Variants in ACSS3 observed in about 807,000 individuals in gnomAD.
ACSS3 encodes acyl-CoA synthetase short chain family member 3.
In ACSS3, 64 loss-of-function variants were observed where a neutral mutation model predicts 84.2. The ratio of observed to expected loss-of-function variants is 0.76; its 90% CI spans 0.62 to 0.94. The LOEUF is 0.94. Ranked by LOEUF, ACSS3 falls within the 40% of genes least tolerant of loss-of-function variation. ACSS3 has a pLI of 0.00. For missense variants in ACSS3, 815 were observed against 867.6 expected, an observed-to-expected ratio of 0.94 and a Z score of 0.76; for synonymous variants, 317 against 310.1, an observed-to-expected ratio of 1.02 and a Z score of -0.23.
intron 7 of ACSS3, among the ~76,000 whole-genome samples, chr12:81,162,633 C>T (rs1057073537): frequency 1.3e-5 from 2 of 152,168 alleles, no homozygotes; most frequent in Admixed American, 1.3e-4. Context: ...GGAGGCTTCA[C>T]TGGGGACCCA....
chr12:81,195,400 A>T (rs1267857675), intron 8 of ACSS3, among the ~76,000 whole-genome samples: 1 of 151,996 alleles, frequency 6.6e-6, no homozygotes, highest in East Asian at 1.9e-4. Flanking sequence ...CTTTACACTA[A>T]TCTTTGTTAT....
chr12:81,187,115 A>G (rs552968785), intron 8 of ACSS3, among the ~76,000 whole-genome samples: 1 of 151,352 alleles, frequency 6.6e-6, no homozygotes, highest in African/African-American at 2.4e-5. Context: ...GAAAAATATT[A>G]CATCATCTCA....
chr12:81,151,999 A>C lies in ACSS3; in HGVS notation c.1003-2A>C. ...TATTCATTTTATTATCTTATTTTTTAGGTGTGGTGGGCAGCTTCTGACTTA... is the reference window on the plus strand; with the variant it reads ...TATTCATTTTATTATCTTATTTTTTCGGTGTGGTGGGCAGCTTCTGACTTA... On this transcript the variant is annotated splice_acceptor_variant, in intron 6 of 15. Transcript: ENST00000548058. LOFTEE classifies it high-confidence loss of function. The C allele has an allele frequency of 3.1e-6, 5 of 1,613,140 alleles. No individual in the cohort carries two copies. Among genetic ancestry groups the C allele is most frequent in the Non-Finnish European group, 3.4e-6 (4 of 1,179,480 alleles).
intron 8 of ACSS3, among the ~76,000 whole-genome samples, chr12:81,193,226 C>A (rs146182701): frequency 2.1e-3 from 312 of 152,184 alleles, no homozygotes; most frequent in African/African-American, 7.2e-3. Context: ...CAGAAGTCGA[C>A]GAGGCATCAC....
At chr12:81,184,043 CAAAA>C (rs2031102655) in intron 8 of ACSS3, among the ~76,000 whole-genome samples, 1 of 151,464 alleles carries the variant, frequency 6.6e-6, no homozygotes, top group Non-Finnish European at 1.5e-5. Context: ...TGTTAGGCCA[CAAAA>C]AAAGCCCTAA....
At chr12:81,133,619 C>T (rs942452750) in intron 2 of ACSS3, among the ~76,000 whole-genome samples, 2 of 152,026 alleles carry the variant, frequency 1.3e-5, no homozygotes, top group Admixed American at 6.6e-5. Flanking sequence ...AGTGAGCTCC[C>T]GGTGAGAATT....
At chr12:81,165,559 C>T (rs2079222) in intron 7 of ACSS3, among the ~76,000 whole-genome samples, 69,780 of 151,732 alleles carry the variant, frequency 0.46, 16,573 homozygotes, top group Non-Finnish European at 0.52. Context: ...GGCAGGAGAA[C>T]GGTGTGAACC....
intron 1 of ACSS3, among the ~76,000 whole-genome samples, chr12:81,082,936 A>G (rs1208176371): frequency 2.6e-5 from 4 of 152,254 alleles, no homozygotes; most frequent in African/African-American, 9.6e-5. Flanking sequence ...TCTTTGGAAT[A>G]TGAAAGAAAT....
chr12:81,107,765 G>T (rs945762651), intron 1 of ACSS3, among the ~76,000 whole-genome samples: 1 of 151,508 alleles, frequency 6.6e-6, no homozygotes, highest in Admixed American at 6.6e-5. Flanking sequence ...ATCTAGGTTG[G>T]GGGTGGTTGG....
intron 13 of ACSS3, among the ~76,000 whole-genome samples, chr12:81,238,163 T>C (rs1340254435): frequency 5.3e-5 from 8 of 151,838 alleles, no homozygotes; most frequent in Non-Finnish European, 1.2e-4. Flanking sequence ...ATGGATTACT[T>C]TGATTATTGA....
chr12:81,226,816 T>C (rs1488916289), intron 11 of ACSS3, among the ~76,000 whole-genome samples: 1 of 151,886 alleles, frequency 6.6e-6, no homozygotes, highest in African/African-American at 2.4e-5. Context: ...GGCTTCTTGT[T>C]ATCCAATTCA....
intron 4 of ACSS3, among the ~76,000 whole-genome samples, chr12:81,142,246 A>C (rs762387417): frequency 5.9e-5 from 9 of 152,302 alleles, no homozygotes; most frequent in Middle Eastern, 6.8e-3. Context: ...ATGTTCGCCA[A>C]TTATAAACTT....
intron 12 of ACSS3, among the ~76,000 whole-genome samples, chr12:81,233,072 T>G (rs187179122): frequency 1.2e-4 from 18 of 151,746 alleles, no homozygotes; most frequent in African/African-American, 4.3e-4. Context: ...ACTTCTCCAT[T>G]AAAAAAAGAA....
chr12:81,159,303 A>G (rs759891937), intron 7 of ACSS3, among the ~76,000 whole-genome samples: 11 of 152,176 alleles, frequency 7.2e-5, no homozygotes, highest in Non-Finnish European at 1.3e-4. Flanking sequence ...ATAAGCTCCT[A>G]TCTCAAGAAC....
intron 8 of ACSS3, among the ~76,000 whole-genome samples, chr12:81,191,085 A>C (rs973778149): frequency 1.4e-4 from 21 of 152,034 alleles, no homozygotes; most frequent in Non-Finnish European, 2.6e-4. Context: ...CAGAGCTTCT[A>C]TATAACTTAT....
rs921440052 is a variant in ACSS3, at chr12:81,257,115, T to C, written c.*2193T>C. The C allele has an allele frequency of 6.6e-6, 1 of 152,142 alleles. No homozygotes were observed. The highest frequency in any genetic ancestry group is 1.5e-5 in the Non-Finnish European group (1 of 68,026). The allele number at this position is 152,142 out of a possible 1,614,324, so 9.4% of individuals were successfully genotyped here. ...ATCCAATAATTAGGTAAAGGTTGCA[T>C]CTTTGGTCCTCTTGCACATTTTTTC... is the stretch of plus-strand genomic sequence containing the variant. On this transcript the variant is annotated 3_prime_UTR_variant, in exon 16 of 16. Coordinates refer to ENST00000548058, the MANE Select transcript of ACSS3 (RefSeq NM_024560.4).
Position 81,259,958 on chromosome 12 carries a change from A to T in ACSS3, c.*5036A>T, listed in dbSNP as rs967327497. 2 of 257,626 alleles carry T rather than the reference A, an allele frequency of 7.8e-6. No individual in the cohort carries two copies. The highest frequency in any genetic ancestry group is 4.4e-5 in the African/African-American group (2 of 45,336). The allele number at this position is 257,626 out of a possible 1,614,324, so 16.0% of individuals were successfully genotyped here. ...TAGCATGCCTTCTGAAAAATTTACA[A>T]CTTGCTAATTAATAAATTGGGTTGA... On this transcript the variant is annotated 3_prime_UTR_variant, in exon 16 of 16. Transcript: ENST00000548058.
rs1323180046 is a variant in ACSS3 at position 81,097,779 on chromosome 12, AAC to A, written c.312-11777_312-11776del. ...ATGAACATTCTCACATTAACACATT[AAC>A]ACAGAATAGTTGAGACTCAGAGCCC... On this transcript the variant is annotated intron_variant, in intron 1 of 15. Transcript: ENST00000548058. Among the ~76,000 whole-genome samples the A allele has an allele frequency of 6.6e-5, 10 of 152,288 alleles. No individual in the cohort carries two copies. The South Asian group carries it at 1.0e-3, about 16-fold the overall frequency.
chr12:81,096,668 G>A (rs1882080219), intron 1 of ACSS3, among the ~76,000 whole-genome samples: 1 of 141,206 alleles, frequency 7.1e-6, no homozygotes, highest in African/African-American at 2.7e-5. Flanking sequence ...TCCCCTCCCT[G>A]TGCCCATATG....
Sources: gnomAD v4.1 joint callset for allele counts (sites outside exome capture counted in the v4.1 genomes callset) on GRCh38, gnomAD v4.1.1 for gene constraint, MANE v1.5 for transcripts, NCBI Gene and HGNC (gene_info 2026-07-23, HGNC 2026-07-21) for gene names.